ZNF469: variants seen among roughly 807,000 people sequenced by gnomAD.
The protein encoded by ZNF469 is zinc finger protein 469.
A neutral mutation model predicts 1.0 loss-of-function variants in ZNF469; 1 was observed. That is an observed-to-expected ratio of 1.00 (90% CI 0.35 to 4.73). ZNF469 has a LOEUF of 4.73. ZNF469 is among the 30% of genes most tolerant of loss of function. The pLI is 0.16. For synonymous variants in ZNF469, 2,703 were observed against 2,363.4 expected (o/e 1.14, Z -4.17); for missense variants, 6,100 against 5,356.3 (o/e 1.14, Z -4.33).
chr16:88,436,626 G>A lies in ZNF469; in HGVS notation c.9156G>A (p.Lys3052=), dbSNP rs900811705. ...RATDFEVLST[K]FEMQDLCFLG... is the part of the protein sequence containing the mutation. ...CGGACTTTGAGGTGCTCAGCACCAA[G>A]TTTGAGATGCAAGACCTGTGCTTTC... Residue 3052 remains lysine (K), a synonymous_variant, in exon 3 of 3, where the codon AAG becomes AAA. Transcript: ENST00000565624. The A allele has an allele frequency of 1.9e-6, 3 of 1,550,278 alleles. No individual in the cohort carries two copies. The highest frequency in any genetic ancestry group is 2.7e-5 in the African/African-American group (2 of 73,058).
chr16:88,200,503 G>T, the ZNF469 span, among the ~76,000 whole-genome samples: 1 of 152,236 alleles, frequency 6.6e-6, no homozygotes, highest in Non-Finnish European at 1.5e-5. Context: ...CGGTCTCTCC[G>T]CTCTCCCAGC....
chr16:88,327,258 G>A, the ZNF469 span, among the ~76,000 whole-genome samples: 1 of 152,140 alleles, frequency 6.6e-6, no homozygotes, highest in Non-Finnish European at 1.5e-5. Context: ...CCCCGGCACT[G>A]GTTCTCTGGG....
the ZNF469 span, among the ~76,000 whole-genome samples, chr16:88,204,073 CCCGGTAACCCCATAGAGCAGCCGGAGGT>C: frequency 3.3e-4 from 47 of 143,736 alleles, 1 homozygote; most frequent in African/African-American, 1.2e-3. Context: ...GCGGGAGGTG[CCCGGTAACCCCATAGAGCAGCCGGAGGT>C]GCCCCGTAAC....
At chr16:88,389,966 G>A (rs1904439251) in intron 1 of ZNF469, among the ~76,000 whole-genome samples, 1 of 152,224 alleles carries the variant, frequency 6.6e-6, no homozygotes, top group African/African-American at 2.4e-5. Flanking sequence ...GAGTGAGGTG[G>A]GGTCGGCCTG....
At chr16:88,121,389 C>A in the ZNF469 span, among the ~76,000 whole-genome samples, 1 of 152,336 alleles carries the variant, frequency 6.6e-6, no homozygotes, top group South Asian at 2.1e-4. Flanking sequence ...AAGCCGCTGT[C>A]GCCAGCGCTG....
At chr16:88,348,877 G>A in the ZNF469 span, among the ~76,000 whole-genome samples, 2 of 152,170 alleles carry the variant, frequency 1.3e-5, no homozygotes, top group Admixed American at 6.5e-5. Context: ...CATCACGCGT[G>A]GGCATGTATG....
intron 1 of ZNF469, among the ~76,000 whole-genome samples, chr16:88,410,640 A>G (rs986359688): frequency 2.8e-4 from 42 of 150,362 alleles, no homozygotes; most frequent in African/African-American, 9.9e-5. Flanking sequence ...GGTGACGTCT[A>G]TGATGCTGTT....
the ZNF469 span, among the ~76,000 whole-genome samples, chr16:88,222,679 C>A: frequency 3.3e-5 from 5 of 152,110 alleles, no homozygotes; most frequent in African/African-American, 1.2e-4. Context: ...ATCGCTTGAA[C>A]CTGGGAGGCA....
At chr16:88,194,063 G>T in the ZNF469 span, among the ~76,000 whole-genome samples, 1 of 152,206 alleles carries the variant, frequency 6.6e-6, no homozygotes, top group African/African-American at 2.4e-5. Context: ...GCAGAGTGTG[G>T]CTTGGTGCAA....
At chr16:88,142,862 G>A in the ZNF469 span, among the ~76,000 whole-genome samples, 17 of 152,216 alleles carry the variant, frequency 1.1e-4, no homozygotes, top group Admixed American at 9.8e-4. Flanking sequence ...GGCCAGCATG[G>A]CCCACAAGGG....
At chr16:88,264,966 G>C in the ZNF469 span, among the ~76,000 whole-genome samples, 1 of 152,126 alleles carries the variant, frequency 6.6e-6, no homozygotes, top group African/African-American at 2.4e-5. Flanking sequence ...GCTGACTGCG[G>C]TTCTGTGCTC....
chr16:88,228,104 T>G, the ZNF469 span, among the ~76,000 whole-genome samples: 132 of 152,392 alleles, frequency 8.7e-4, no homozygotes, highest in Non-Finnish European at 6.9e-4. Flanking sequence ...TCGTCTAAGC[T>G]GAACTGATCA....
At chr16:88,289,272 G>T in the ZNF469 span, among the ~76,000 whole-genome samples, 1 of 151,026 alleles carries the variant, frequency 6.6e-6, no homozygotes, top group African/African-American at 2.4e-5. Context: ...TGGTGATGAT[G>T]GTGAGGGTGA....
At chr16:88,331,127 C>T in the ZNF469 span, among the ~76,000 whole-genome samples, 14 of 151,614 alleles carry the variant, frequency 9.2e-5, no homozygotes, top group Admixed American at 9.2e-4. Flanking sequence ...CCATCACCAT[C>T]GTCACCATCA....
At chr16:88,311,052 C>CA in the ZNF469 span, among the ~76,000 whole-genome samples, 1 of 152,218 alleles carries the variant, frequency 6.6e-6, no homozygotes, top group Admixed American at 6.5e-5. Flanking sequence ...GGCTCCTCTC[C>CA]AACTCCTTGT....
chr16:88,434,094 A>G lies in ZNF469; in HGVS notation c.6624A>G (p.Glu2208=). 6.5e-7 allele frequency: 1 copy of G among 1,550,378 alleles called. No individual in the cohort carries two copies. Among genetic ancestry groups the G allele is most frequent in the Non-Finnish European group, 8.7e-7 (1 of 1,146,946 alleles). The change falls in exon 3 of 3, where the codon GAA becomes GAG. Residue 2208 remains glutamate (E), a synonymous_variant. Coordinates refer to ENST00000565624, the MANE Select transcript of ZNF469 (RefSeq NM_001367624.2). The part of the protein sequence containing the change: ...SLTTSPCDPK[E]ALAGCLLQGE... ...CAACAAGCCCCTGCGATCCCAAGGA[A>G]GCCCTGGCTGGTTGCCTTCTCCAGG...
At chr16:88,279,227 C>CATT in the ZNF469 span, among the ~76,000 whole-genome samples, 3 of 135,514 alleles carry the variant, frequency 2.2e-5, no homozygotes, top group Admixed American at 7.6e-5. Context: ...TTGTAGATAT[C>CATT]ACTGCACGGT....
At chr16:88,161,350 A>G in the ZNF469 span, among the ~76,000 whole-genome samples, 830 of 152,314 alleles carry the variant, frequency 5.4e-3, 10 homozygotes, top group African/African-American at 0.019. Flanking sequence ...GGGCGGAAAT[A>G]TGCTTGGAAC....
chr16:88,246,549 G>A, the ZNF469 span, among the ~76,000 whole-genome samples: 20 of 152,326 alleles, frequency 1.3e-4, no homozygotes, highest in East Asian at 1.9e-4. Context: ...CATTAGAATC[G>A]CCAAGAGCGC....
Sources: allele counts gnomAD v4.1 joint callset (sites outside exome capture counted in the v4.1 genomes callset), GRCh38; gene constraint gnomAD v4.1.1; transcripts MANE v1.5; gene names NCBI Gene and HGNC (gene_info 2026-07-23, HGNC 2026-07-21).